Variants in XPO7 observed in about 807,000 individuals in gnomAD.
The protein encoded by XPO7 is exportin-7.
In XPO7, 21 loss-of-function variants were observed where a neutral mutation model predicts 144.3. That is an observed-to-expected ratio of 0.15 (90% CI 0.10 to 0.21). The LOEUF (loss-of-function observed/expected upper bound fraction) is 0.21, where lower values mean the gene tolerates loss of function less well. Among genes scored for constraint, XPO7 ranks in the 10% least tolerant of loss-of-function variants. XPO7 has a pLI of 1.00. For missense variants in XPO7, 808 were observed against 1,325.8 expected (o/e 0.61, Z 6.06); for synonymous variants, 580 against 499.6 (o/e 1.16, Z -2.15).
At chr8:21,978,328 A>C (rs1451969760) in intron 8 of XPO7, among the ~76,000 whole-genome samples, 1 of 152,210 alleles carries the variant, frequency 6.6e-6, no homozygotes, top group Non-Finnish European at 1.5e-5. Context: ...TTAACCTAAA[A>C]CCTCAAAATT....
At chr8:21,987,376 T>G in intron 14 of XPO7, 100 bp downstream of exon 14, 1 of 1,513,312 alleles carries the variant, frequency 6.6e-7, no homozygotes. Context: ...ACCTCCAGAT[T>G]TCACGTAATA....
At chr8:21,920,695 T>TA (rs1434294922) in intron 1 of XPO7, among the ~76,000 whole-genome samples, 3 of 152,158 alleles carry the variant, frequency 2.0e-5, no homozygotes, top group Admixed American at 6.5e-5. Context: ...GCAAACTAGA[T>TA]AAAGTTTTTC....
intron 3 of XPO7, chr8:21,969,871 G>A (rs1811996262): frequency 3.6e-6 from 2 of 549,384 alleles, no homozygotes; most frequent in African/African-American, 1.9e-5. Flanking sequence ...TGAATTCTGT[G>A]TAGACCACGT....
chr8:21,978,511 G>T, intron 8 of XPO7, among the ~76,000 whole-genome samples: 1 of 152,228 alleles, frequency 6.6e-6, no homozygotes, highest in East Asian at 1.9e-4. Context: ...CCAAATTAAT[G>T]TAGACCTTTG....
chr8:22,001,211 C>A (rs1182602585), intron 24 of XPO7, among the ~76,000 whole-genome samples: 1 of 151,020 alleles, frequency 6.6e-6, no homozygotes, highest in African/African-American at 2.4e-5. Flanking sequence ...GAGGCTGAGG[C>A]AGAAGAATCA....
intron 8 of XPO7, among the ~76,000 whole-genome samples, chr8:21,979,167 T>C (rs1336267124): frequency 6.6e-6 from 1 of 152,142 alleles, no homozygotes; most frequent in Non-Finnish European, 1.5e-5. Context: ...TGCCTCAGCC[T>C]CCTGAGTAGC....
chr8:22,001,702 C>T (rs1813154128), intron 24 of XPO7, among the ~76,000 whole-genome samples: 1 of 152,146 alleles, frequency 6.6e-6, no homozygotes, highest in African/African-American at 2.4e-5. Flanking sequence ...CGATACATAA[C>T]CTCTCCTAAT....
At chr8:21,971,853 T>C (rs1179188128) in intron 4 of XPO7, 23 bp from the exon 5 acceptor site, 13 of 1,601,244 alleles carry the variant, frequency 8.1e-6, no homozygotes, top group Admixed American at 1.7e-5. Flanking sequence ...CAACTCTTTC[T>C]ACCTTATACT....
intron 5 of XPO7, among the ~76,000 whole-genome samples, chr8:21,972,920 C>T (rs1026815486): frequency 5.9e-5 from 9 of 152,158 alleles, no homozygotes; most frequent in Non-Finnish European, 1.2e-4. Context: ...ATGCAATCCC[C>T]GTTGTGATCA....
intron 14 of XPO7, among the ~76,000 whole-genome samples, chr8:21,987,571 T>C (rs967348674): frequency 2.0e-5 from 3 of 152,242 alleles, no homozygotes; most frequent in African/African-American, 7.2e-5. Flanking sequence ...ATTTGGGCTG[T>C]CTTTTTGCAA....
intron 11 of XPO7, 71 bp downstream of exon 11, chr8:21,982,883 C>G: frequency 1.3e-6 from 2 of 1,502,124 alleles, no homozygotes; most frequent in Non-Finnish European, 1.8e-6. Flanking sequence ...ATCAGACACC[C>G]CATTGGCAAA....
At chr8:21,956,475 G>A (rs1811538181) in intron 1 of XPO7, among the ~76,000 whole-genome samples, 1 of 152,148 alleles carries the variant, frequency 6.6e-6, no homozygotes, top group Non-Finnish European at 1.5e-5. Flanking sequence ...GTTCTAGGAA[G>A]TTATCTCAAA....
At chr8:21,933,164 G>A (rs905425846) in intron 1 of XPO7, among the ~76,000 whole-genome samples, 50 of 141,394 alleles carry the variant, frequency 3.5e-4, no homozygotes, top group Non-Finnish European at 7.1e-4. Context: ...ACAGTGGCGC[G>A]ATCTTGGCTC....
At chr8:21,963,300 T>C (rs909119189) in intron 1 of XPO7, among the ~76,000 whole-genome samples, 2 of 152,226 alleles carry the variant, frequency 1.3e-5, no homozygotes, top group Non-Finnish European at 2.9e-5. Flanking sequence ...TCTAGTTCAG[T>C]ACTCAATATT....
intron 1 of XPO7, among the ~76,000 whole-genome samples, chr8:21,922,832 A>G (rs758853667): frequency 6.6e-6 from 1 of 152,180 alleles, no homozygotes; most frequent in African/African-American, 2.4e-5. Flanking sequence ...GGGTCTTATT[A>G]TTTACTGGGC....
At chr8:21,964,699 G>GCT (rs1218322999) in intron 1 of XPO7, among the ~76,000 whole-genome samples, 1 of 152,022 alleles carries the variant, frequency 6.6e-6, no homozygotes, top group Non-Finnish European at 1.5e-5. Flanking sequence ...TGTTTCCTGA[G>GCT]CTGAGAACTC....
chr8:21,950,021 G>C (rs1469244639), intron 1 of XPO7, among the ~76,000 whole-genome samples: 1 of 152,130 alleles, frequency 6.6e-6, no homozygotes, highest in Non-Finnish European at 1.5e-5. Flanking sequence ...CACCGTACTG[G>C]GCCCTAGGCT....
Position 21,981,662 on chromosome 8 carries a change from A to C in XPO7, c.958-69A>C, listed in dbSNP as rs186554818. The stretch of plus-strand genomic sequence containing the variant: ...CTACCCCTTCCCCCATGCCATCTCA[A>C]GTATACATCATTCTTGAAGTATGTT... On this transcript the variant is annotated intron_variant, in intron 9 of 27. Transcript: ENST00000252512. 55 of 1,581,588 alleles carry C rather than the reference A, an allele frequency of 3.5e-5. No individual in the cohort carries two copies. In the African/African-American group the frequency reaches 6.4e-4, roughly 19 times the overall value.
In XPO7 at chr8:21,980,290, G is replaced by A. The variant is rs138031578; in HGVS notation, c.957+87G>A. On this transcript the variant is annotated intron_variant, in intron 9 of 27. Transcript: ENST00000252512. ...AGAAGGAAATCCATCCCAAGGCCCA[G>A]TAAACAATTCAGTCTGTTCTTCAGG... 9.5e-4 allele frequency: 1,375 copies of A among 1,441,160 alleles called. 17 individuals are homozygous for A. The African/African-American group carries it at 0.017, about 17-fold the overall frequency. 89.3% of individuals were successfully genotyped at this position (1,441,160 alleles called of 1,614,324 possible). A position where few individuals can be genotyped will look rare whatever the true frequency, so the allele number is the denominator to read the frequency against.
Sources: allele counts gnomAD v4.1 joint callset (sites outside exome capture counted in the v4.1 genomes callset), GRCh38; gene constraint gnomAD v4.1.1; transcripts MANE v1.5; gene names NCBI Gene and HGNC (gene_info 2026-07-23, HGNC 2026-07-21).